Variants in COL21A1 observed in about 807,000 individuals in gnomAD.
COL21A1 encodes collagen type XXI alpha 1 chain, also known as collagen alpha-1(XXI) chain.
Under a neutral mutation model 137.9 loss-of-function variants are expected in COL21A1, and 149 were observed. The observed-to-expected ratio is 1.08, with a 90% CI of 0.95 to 1.24. The LOEUF (loss-of-function observed/expected upper bound fraction) is 1.24. Ranked by LOEUF, COL21A1 falls within the 50% of genes most tolerant of loss-of-function variation. The pLI, the probability that COL21A1 is intolerant of heterozygous loss-of-function variation, is 0.00. For missense variants in COL21A1, 1,167 were observed against 1,158.4 expected, an observed-to-expected ratio of 1.01 and a Z score of -0.11; for synonymous variants, 456 against 391.5, an observed-to-expected ratio of 1.16 and a Z score of -1.95.
chr6:56,119,242 T>C (rs1401568998), intron 16 of COL21A1, among the ~76,000 whole-genome samples: 1 of 151,980 alleles, frequency 6.6e-6, no homozygotes, highest in Non-Finnish European at 1.5e-5. Flanking sequence ...GGATACAAAG[T>C]CAACATACAA....
intron 29 of COL21A1, 112 bp from the exon 30 acceptor site, chr6:56,057,956 A>G: frequency 1.4e-6 from 1 of 695,866 alleles, no homozygotes; most frequent in Non-Finnish European, 2.2e-6. Context: ...TATTTTATAT[A>G]TTTGCACTAA....
At chr6:56,196,060 C>T (rs1383010154) in intron 1 of COL21A1, among the ~76,000 whole-genome samples, 3 of 151,994 alleles carry the variant, frequency 2.0e-5, no homozygotes, top group Non-Finnish European at 4.4e-5. Context: ...CAAGGATGGT[C>T]CAACATAGGT....
Position 56,180,134 on chromosome 6 carries a change from G to A in COL21A1, c.89-5C>T, listed in dbSNP as rs1777789728. 6.3e-7 allele frequency: 1 copy of A among 1,590,472 alleles called. No individual in the cohort carries two copies. ...CTGTCGGAGCAGTACGACAACCTAA[G>A]TGCAAAAGAAAACCATCATAGCACA... is the stretch of plus-strand genomic sequence containing the variant. On this transcript the variant is annotated splice_region_variant and splice_polypyrimidine_tract_variant and intron_variant, in intron 2 of 29. Transcript: ENST00000244728.
chr6:56,310,502 G>T (rs753192657), intron 1 of COL21A1, among the ~76,000 whole-genome samples: 43 of 152,194 alleles, frequency 2.8e-4, no homozygotes, highest in Non-Finnish European at 5.1e-4. Context: ...ACTGATGCCT[G>T]AAAAGTGGGG....
At chr6:56,141,135 C>T (rs1774377290) in intron 12 of COL21A1, among the ~76,000 whole-genome samples, 1 of 152,114 alleles carries the variant, frequency 6.6e-6, no homozygotes, top group South Asian at 2.1e-4. Context: ...GAGATATTTG[C>T]ACTCCCATTT....
intron 1 of COL21A1, among the ~76,000 whole-genome samples, chr6:56,268,860 T>A (rs1763456609): frequency 1.3e-5 from 2 of 152,130 alleles, no homozygotes; most frequent in South Asian, 4.1e-4. Flanking sequence ...AAGTTGAAAC[T>A]CAATACAAGG....
At chr6:56,262,928 A>T (rs955866429) in intron 1 of COL21A1, among the ~76,000 whole-genome samples, 1 of 152,178 alleles carries the variant, frequency 6.6e-6, no homozygotes, top group African/African-American at 2.4e-5. Context: ...CCAAATTCAG[A>T]ATAATTTGGT....
At chr6:56,300,813 T>C (rs2071914239) in intron 1 of COL21A1, among the ~76,000 whole-genome samples, 2 of 152,322 alleles carry the variant, frequency 1.3e-5, no homozygotes, top group African/African-American at 4.8e-5. Flanking sequence ...ATTGCTTGGT[T>C]GATTGACTGG....
At chr6:56,113,807 C>T (rs1771658429) in intron 16 of COL21A1, among the ~76,000 whole-genome samples, 1 of 152,134 alleles carries the variant, frequency 6.6e-6, no homozygotes, top group African/African-American at 2.4e-5. Flanking sequence ...ATTTCTGGAC[C>T]TGCCTTGGGC....
rs115498513 is a variant in COL21A1 at position 56,279,094 on chromosome 6, T to G, written c.-38-96438A>C. ...TCACAGAGATGTTTCTCATGAATGG[T>G]TTAGCACCATCCTCTTGGTGCTGAT... On this transcript the variant is annotated intron_variant, in intron 1 of 28. Coordinates refer to the COL21A1 transcript ENST00000370819. Among the ~76,000 whole-genome samples the G allele has an allele frequency of 7.9e-3, 1,204 of 152,268 alleles. 18 individuals are homozygous for G. The highest frequency in any genetic ancestry group is 0.028 in the African/African-American group (1,150 of 41,534).
intron 3 of COL21A1, 117 bp downstream of exon 3, chr6:56,179,458 CATT>C (rs1777730283): frequency 1.4e-6 from 1 of 699,100 alleles, no homozygotes; most frequent in South Asian, 2.1e-5. Flanking sequence ...AATGTTGTAA[CATT>C]ATAATTGACA....
At chr6:56,343,472 A>G (rs1331482259) in intron 1 of COL21A1, among the ~76,000 whole-genome samples, 2 of 152,236 alleles carry the variant, frequency 1.3e-5, no homozygotes, top group Non-Finnish European at 1.5e-5. Context: ...AACTTCCATC[A>G]TAATTTAAAT....
At chr6:56,321,635 C>T (rs979481316) in intron 1 of COL21A1, among the ~76,000 whole-genome samples, 1 of 152,160 alleles carries the variant, frequency 6.6e-6, no homozygotes, top group Non-Finnish European at 1.5e-5. Flanking sequence ...ACCACATCAA[C>T]AACACATTCG....
chr6:56,357,213 TATCTACCTCACAAGG>T (rs1765855134), intron 1 of COL21A1, among the ~76,000 whole-genome samples: 1 of 152,212 alleles, frequency 6.6e-6, no homozygotes, highest in South Asian at 2.1e-4. Context: ...GAGAAAACAG[TATCTACCTCACAAGG>T]TTATAATGGA....
chr6:56,379,797 T>G (rs994052441), intron 1 of COL21A1, among the ~76,000 whole-genome samples: 1 of 152,156 alleles, frequency 6.6e-6, no homozygotes, highest in African/African-American at 2.4e-5. Flanking sequence ...TTCAACACAA[T>G]AGTTTATTAA....
At chr6:56,307,233 A>G (rs1764484199) in intron 1 of COL21A1, among the ~76,000 whole-genome samples, 1 of 152,216 alleles carries the variant, frequency 6.6e-6, no homozygotes. Context: ...TGGGAGAACC[A>G]CTACTCTCTT....
chr6:56,339,056 T>C (rs75902435), intron 1 of COL21A1, among the ~76,000 whole-genome samples: 1,642 of 152,306 alleles, frequency 0.011, 36 homozygotes, highest in African/African-American at 0.038. Context: ...GCATAGCATA[T>C]TACATATTAG....
intron 1 of COL21A1, among the ~76,000 whole-genome samples, chr6:56,223,957 C>T (rs9475637): frequency 0.022 from 3,310 of 152,072 alleles, 121 homozygotes; most frequent in African/African-American, 0.076. Flanking sequence ...GAGATACATC[C>T]CCTACAGCCT....
At chr6:56,200,524 A>G (rs1203605463) in intron 1 of COL21A1, among the ~76,000 whole-genome samples, 1 of 136,926 alleles carries the variant, frequency 7.3e-6, no homozygotes, top group African/African-American at 2.8e-5. Context: ...TCATTGTTCA[A>G]TTCCCACCTA....
Sources: allele counts gnomAD v4.1 joint callset (sites outside exome capture counted in the v4.1 genomes callset), GRCh38; gene constraint gnomAD v4.1.1; transcripts MANE v1.5; gene names NCBI Gene and HGNC (gene_info 2026-07-23, HGNC 2026-07-21).